Variants in L2HGDH observed in about 807,000 individuals in gnomAD.
The protein encoded by L2HGDH is L-2-hydroxyglutarate dehydrogenase.
Under a neutral mutation model 51.5 loss-of-function variants are expected in L2HGDH, and 34 were observed. The observed-to-expected ratio is 0.66, with a 90% CI of 0.50 to 0.88. The LOEUF (loss-of-function observed/expected upper bound fraction) is 0.88. Ranked by LOEUF, L2HGDH falls within the 40% of genes least tolerant of loss-of-function variation. L2HGDH has a pLI of 0.00. For missense variants in L2HGDH, 558 were observed against 571.9 expected (o/e 0.98, Z 0.25); for synonymous variants, 198 against 197.9 (o/e 1.00, Z -0.01).
At chr14:50,249,783 G>C (rs1421871232) in intron 9 of L2HGDH, among the ~76,000 whole-genome samples, 1 of 149,342 alleles carries the variant, frequency 6.7e-6, no homozygotes, top group Non-Finnish European at 1.5e-5. Flanking sequence ...AGAGATAAAA[G>C]TAAAGGGGAC....
At position 50,287,095 on chromosome 14, in the gene L2HGDH, T is replaced by C. The variant is rs932038150; in HGVS notation, c.541-3062A>G. The stretch of plus-strand genomic sequence containing the variant: ...CTGTGTGACCCTGGGAAAGTAAAGT[T>C]TCTTCATTTATAAGACACAAAAATA... On this transcript the variant is annotated intron_variant, in intron 4 of 9. Transcript: ENST00000267436. 19 of 773,916 alleles carry C rather than the reference T, an allele frequency of 2.5e-5. No individual in the cohort carries two copies. The Admixed American group carries it at 1.2e-3, about 48-fold the overall frequency. 47.9% of individuals were successfully genotyped at this position (773,916 alleles called of 1,614,324 possible).
intron 4 of L2HGDH, among the ~76,000 whole-genome samples, chr14:50,292,352 G>T (rs1279458716): frequency 1.3e-5 from 2 of 152,134 alleles, no homozygotes; most frequent in Admixed American, 1.3e-4. Flanking sequence ...AGATCCAAGA[G>T]TAGCCAAGAT....
chr14:50,258,246 C>G (rs866925234), intron 9 of L2HGDH, among the ~76,000 whole-genome samples: 1 of 151,950 alleles, frequency 6.6e-6, no homozygotes, highest in African/African-American at 2.4e-5. Context: ...AGACAGGCCT[C>G]ACTCTGTCAC....
At chr14:50,286,018 T>C (rs990919137) in intron 4 of L2HGDH, among the ~76,000 whole-genome samples, 1 of 152,024 alleles carries the variant, frequency 6.6e-6, no homozygotes, top group Non-Finnish European at 1.5e-5. Context: ...CAAGTTGGGG[T>C]GGTGTTGGTA....
At chr14:50,251,663 T>C (rs976261763) in intron 9 of L2HGDH, among the ~76,000 whole-genome samples, 4 of 152,110 alleles carry the variant, frequency 2.6e-5, no homozygotes, top group East Asian at 3.8e-4. Context: ...TGCTCCAATA[T>C]GTCTGGCAGC....
At chr14:50,300,145 A>G (rs1414835110) in intron 3 of L2HGDH, among the ~76,000 whole-genome samples, 1 of 152,176 alleles carries the variant, frequency 6.6e-6, no homozygotes, top group Non-Finnish European at 1.5e-5. Context: ...TAAGTTCAGG[A>G]TATCTATTAC....
intron 7 of L2HGDH, 103 bp downstream of exon 7, chr14:50,269,060 T>A: frequency 9.6e-7 from 1 of 1,039,132 alleles, no homozygotes; most frequent in African/African-American, 1.6e-5. Context: ...AAACGGTCCT[T>A]CAAAATTTCT....
Position 50,294,201 on chromosome 14 carries a change from G to C in L2HGDH, c.454C>G (p.Leu152Val). 6.2e-7 allele frequency: 1 copy of C among 1,613,268 alleles called. No homozygotes were observed. Among genetic ancestry groups the C allele is most frequent in the Non-Finnish European group, 8.5e-7 (1 of 1,179,784 alleles). ...EQEEIPRLQA[L>V]YEKGLQNGVP... is the part of the protein sequence containing the mutation. ...CCATTCTGGAGGCCTTTCTCATATA[G>C]GGCCTGAAGTCTGGGAATTTCTTCT... is the stretch of plus-strand genomic sequence containing the variant. The change falls in exon 4 of 10, where the codon CTA becomes GTA. Residue 152 changes from leucine (L) to valine (V), a missense_variant. Leu to Val is a conservative substitution (Grantham distance 32). Around this residue, in one of 3 missense-constraint regions of L2HGDH, gnomAD observed 43 missense variants for 72.9 expected, o/e 0.59. Coordinates refer to ENST00000267436, the MANE Select transcript of L2HGDH (RefSeq NM_024884.3).
chr14:50,263,247 A>G (rs1889139540), intron 9 of L2HGDH, among the ~76,000 whole-genome samples: 1 of 152,246 alleles, frequency 6.6e-6, no homozygotes, highest in African/African-American at 2.4e-5. Flanking sequence ...AAACATCACA[A>G]GTTTGCTAAA....
At chr14:50,256,913 T>C (rs4901004) in intron 9 of L2HGDH, among the ~76,000 whole-genome samples, 24,778 of 152,042 alleles carry the variant, frequency 0.16, 2,526 homozygotes, top group African/African-American at 0.28. Context: ...GGCTGGAATC[T>C]TCTCAGTTTT....
chr14:50,254,500 GCATTTCTCCCCTCAA>G (rs1888545781), intron 9 of L2HGDH, among the ~76,000 whole-genome samples: 1 of 152,090 alleles, frequency 6.6e-6, no homozygotes, highest in South Asian at 2.1e-4. Flanking sequence ...CATCGAAGTA[GCATTTCTCCCCTCAA>G]CATCAGGACC....
chr14:50,271,356 C>T lies in L2HGDH; in HGVS notation c.739-2026G>A, dbSNP rs139539404. ...AATAGAATTTATAAAATGGTACCAG[C>T]ATGCAATAACCTAATAGTTCTCTTT... On this transcript the variant is annotated intron_variant, in intron 6 of 9. Transcript: ENST00000267436. Among the ~76,000 whole-genome samples, 358 of 152,278 alleles carry T rather than the reference C, an allele frequency of 2.4e-3. 2 individuals are homozygous for T. Among genetic ancestry groups the T allele is most frequent in the African/African-American group, 7.9e-3 (330 of 41,550 alleles).
chr14:50,282,559 T>C (rs1465599928), intron 5 of L2HGDH: 1 of 455,816 alleles, frequency 2.2e-6, no homozygotes, highest in Non-Finnish European at 4.4e-6. Context: ...CTATGTGGGC[T>C]TTAGGTACAG....
At chr14:50,279,639 A>G (rs994400607) in intron 5 of L2HGDH, among the ~76,000 whole-genome samples, 1 of 152,122 alleles carries the variant, frequency 6.6e-6, no homozygotes, top group African/African-American at 2.4e-5. Flanking sequence ...TAGGGGTTCA[A>G]GACAAGCATG....
intron 1 of L2HGDH, 123 bp from the exon 2 acceptor site, chr14:50,303,140 G>C: frequency 1.2e-5 from 8 of 686,568 alleles, no homozygotes; most frequent in South Asian, 3.1e-5. Flanking sequence ...AACGTATTCG[G>C]CGGCCGGTCG....
At chr14:50,301,741 T>C (rs1453840995) in intron 3 of L2HGDH, among the ~76,000 whole-genome samples, 1 of 152,122 alleles carries the variant, frequency 6.6e-6, no homozygotes, top group African/African-American at 2.4e-5. Flanking sequence ...TGAAATTAGA[T>C]AGTGGTGATG....
rs12431539 is a variant in L2HGDH, at chr14:50,267,560, T to G, written c.1064+193A>C. Among the ~76,000 whole-genome samples the G allele has an allele frequency of 0.39, 56,974 of 146,924 alleles. 11,544 individuals are homozygous for G. Among genetic ancestry groups the G allele is most frequent in the East Asian group, 0.64 (3,288 of 5,124 alleles). On this transcript the variant is annotated intron_variant, in intron 8 of 9. Coordinates refer to ENST00000267436, the MANE Select transcript of L2HGDH (RefSeq NM_024884.3). ...GTTATACTTATTCCAAAAGGCATTT[T>G]TTTTTTTGTTTGTTTGTTTGTTTGT...
At position 50,243,186 on chromosome 14, in the gene L2HGDH, A is replaced by G. The variant is rs548544356; in HGVS notation, c.*3872T>C. ...AAGGGAAGGACTTTGATATACACATATATGTATGGATAAAAGAGTTAAGCT... is the reference window on the plus strand; with the variant it reads ...AAGGGAAGGACTTTGATATACACATGTATGTATGGATAAAAGAGTTAAGCT... On this transcript the variant is annotated 3_prime_UTR_variant, in exon 10 of 10. Transcript: ENST00000267436. 2.0e-6 allele frequency: 2 copies of G among 985,398 alleles called. No homozygotes were observed. The highest frequency in any genetic ancestry group is 6.1e-5 in the Admixed American group (1 of 16,276). The allele number at this position is 985,398 out of a possible 1,614,324, so 61.0% of individuals were successfully genotyped here. A position where few individuals can be genotyped will look rare whatever the true frequency, so the allele number is the denominator to read the frequency against.
intron 6 of L2HGDH, among the ~76,000 whole-genome samples, chr14:50,272,950 A>G (rs1889782922): frequency 6.6e-6 from 1 of 152,198 alleles, no homozygotes; most frequent in African/African-American, 2.4e-5. Context: ...CTGAACAGCC[A>G]CAGCACCAGA....
Sources: allele counts gnomAD v4.1 joint callset (sites outside exome capture counted in the v4.1 genomes callset), GRCh38; gene constraint gnomAD v4.1.1; regional missense constraint gnomAD v4.1.1; transcripts MANE v1.5; gene names NCBI Gene and HGNC (gene_info 2026-07-23, HGNC 2026-07-21).